Variants in MFHAS1 observed in about 807,000 individuals in gnomAD.
MFHAS1 encodes multifunctional ROCO family signaling regulator 1, also known as malignant fibrous histiocytoma-amplified sequence 1.
A neutral mutation model predicts 70.4 loss-of-function variants in MFHAS1; 50 were observed. The observed-to-expected ratio is 0.71, with a 90% confidence interval of 0.57 to 0.90. The LOEUF (loss-of-function observed/expected upper bound fraction) is 0.90, where lower values mean the gene tolerates loss of function less well. Among genes scored for constraint, MFHAS1 ranks in the 40% least tolerant of loss-of-function variants. The pLI is 0.00. For missense variants in MFHAS1, 1,795 were observed against 1,347.6 expected (o/e 1.33, Z -5.20); for synonymous variants, 952 against 620.0 (o/e 1.54, Z -7.96).
chr8:8,837,855 A>G (rs188548636), intron 1 of MFHAS1, among the ~76,000 whole-genome samples: 34 of 152,310 alleles, frequency 2.2e-4, no homozygotes, highest in Non-Finnish European at 3.8e-4. Context: ...CCGCTACAGA[A>G]AACAGTATTA....
rs187413335 is a variant in MFHAS1 at position 8,835,045 on chromosome 8, G to C, written c.2999-37554C>G. On this transcript the variant is annotated intron_variant, in intron 1 of 2. Transcript: ENST00000276282. ...AGGAAGTTTGCAAACCTCTAAACCA[G>C]ACACAAAAAAAGTACATACTAAATG... 4.5e-4 allele frequency among the ~76,000 whole-genome samples: 69 copies of C among 152,196 alleles called. 1 individual carries two copies. Among genetic ancestry groups the C allele is most frequent in the Non-Finnish European group, 7.5e-4 (51 of 67,996 alleles).
chr8:8,813,867 C>G (rs537543440), intron 1 of MFHAS1, among the ~76,000 whole-genome samples: 3 of 152,074 alleles, frequency 2.0e-5, no homozygotes, highest in Admixed American at 6.5e-5. Flanking sequence ...ACTGACTCAC[C>G]CAGAGCAACT....
At chr8:8,830,152 C>T (rs896918789) in intron 1 of MFHAS1, among the ~76,000 whole-genome samples, 4 of 152,096 alleles carry the variant, frequency 2.6e-5, no homozygotes, top group Admixed American at 2.0e-4. Flanking sequence ...TATGAGGTGG[C>T]CCCACACCTC....
chr8:8,851,153 T>G (rs1403832206), intron 1 of MFHAS1, among the ~76,000 whole-genome samples: 1 of 152,248 alleles, frequency 6.6e-6, no homozygotes, highest in African/African-American at 2.4e-5. Flanking sequence ...CTCTTTTTCC[T>G]AACCCTTGGT....
At chr8:8,852,655 T>C (rs1214644580) in intron 1 of MFHAS1, among the ~76,000 whole-genome samples, 1 of 152,236 alleles carries the variant, frequency 6.6e-6, no homozygotes, top group East Asian at 1.9e-4. Context: ...CTGACTTCCA[T>C]GGCCATTTGC....
intron 1 of MFHAS1, 76 bp from the exon 2 acceptor site, chr8:8,797,567 C>A: frequency 6.7e-7 from 1 of 1,502,406 alleles, no homozygotes; most frequent in East Asian, 2.3e-5. Flanking sequence ...ACAGCACTGC[C>A]CGGGGATGGG....
At chr8:8,846,079 C>T (rs781183060) in intron 1 of MFHAS1, among the ~76,000 whole-genome samples, 1 of 151,778 alleles carries the variant, frequency 6.6e-6, no homozygotes, top group Admixed American at 6.6e-5. Context: ...ATGGCGAAAC[C>T]CTGTCTCTAC....
intron 1 of MFHAS1, among the ~76,000 whole-genome samples, chr8:8,866,318 G>GTT (rs11306798): frequency 1.9e-4 from 27 of 141,504 alleles, no homozygotes; most frequent in Admixed American, 4.9e-4. Flanking sequence ...CTTCTTTTTT[G>GTT]TTTTTTTTTT....
intron 1 of MFHAS1, 118 bp downstream of exon 1, chr8:8,889,943 G>A (rs184819213): frequency 9.6e-6 from 8 of 831,966 alleles, no homozygotes; most frequent in East Asian, 5.4e-5. Flanking sequence ...TTTCCCTTAC[G>A]AAGCTTTCCT....
chr8:8,824,238 G>T (rs984890460), intron 1 of MFHAS1, among the ~76,000 whole-genome samples: 1 of 151,808 alleles, frequency 6.6e-6, no homozygotes, highest in African/African-American at 2.4e-5. Context: ...AGGATGCCTG[G>T]AGGCCAATCT....
chr8:8,785,656 G>C lies in MFHAS1; in HGVS notation c.*366C>G, dbSNP rs1805514706. The C allele has an allele frequency of 4.7e-6, 1 of 211,936 alleles. No homozygotes were observed. 13.1% of individuals were successfully genotyped at this position (211,936 alleles called of 1,614,324 possible). A position where few individuals can be genotyped will look rare whatever the true frequency, so the allele number is the denominator to read the frequency against. On this transcript the variant is annotated 3_prime_UTR_variant, in exon 3 of 3. Transcript: ENST00000276282. The stretch of plus-strand genomic sequence containing the variant: ...TTCACATTTAACAGAACTGAAATCT[G>C]AGTGCTCTAAATACTGCCACCTGTA...
intron 1 of MFHAS1, among the ~76,000 whole-genome samples, chr8:8,816,838 G>C (rs556687229): frequency 2.0e-5 from 3 of 152,260 alleles, no homozygotes; most frequent in African/African-American, 2.4e-5. Flanking sequence ...CCACATGTAA[G>C]AGCTGACATT....
chr8:8,794,992 G>A (rs942109464), intron 2 of MFHAS1, among the ~76,000 whole-genome samples: 1 of 152,210 alleles, frequency 6.6e-6, no homozygotes, highest in Non-Finnish European at 1.5e-5. Context: ...CTGGCTTGGT[G>A]CCAGGAAGGT....
intron 1 of MFHAS1, among the ~76,000 whole-genome samples, chr8:8,885,200 G>A (rs955549797): frequency 6.8e-4 from 103 of 152,204 alleles, no homozygotes; most frequent in African/African-American, 2.3e-3. Context: ...TTTGGCATGA[G>A]ATACAAAAAG....
Position 8,892,400 on chromosome 8 carries a change from G to A in MFHAS1, c.659C>T (p.Pro220Leu). The change falls in exon 1 of 3, where the codon CCT becomes CTT. Residue 220 changes from proline (P) to leucine (L), a missense_variant. Physicochemically the swap from Pro to Leu is moderately conservative, Grantham distance 98. Transcript: ENST00000276282. The surrounding 1 kb of genome is among the most constrained non-coding windows in gnomAD (Gnocchi z 4.7). Reference protein sequence around the residue: ...DVSSNRLRGLPEDISALRALK... With the variant: ...DVSSNRLRGLLEDISALRALK... ...GGCACGCAGGGCACTGATATCCTCA[G>A]GCAGGCCCCGCAGCCGGTTGCTGGA... 2 of 1,613,058 alleles carry A rather than the reference G, an allele frequency of 1.2e-6. No homozygotes were observed. Among genetic ancestry groups the A allele is most frequent in the East Asian group, 2.2e-5 (1 of 44,848 alleles).
chr8:8,841,769 G>A lies in MFHAS1; in HGVS notation c.2999-44278C>T, dbSNP rs187276433. ...AGACCCCACATGGGCCACACCCCAC[G>A]GGTACGAGAGTTTGGGTTGAACCAA... On this transcript the variant is annotated intron_variant, in intron 1 of 2. Transcript: ENST00000276282. Among the ~76,000 whole-genome samples, 16 of 152,244 alleles carry A rather than the reference G, an allele frequency of 1.1e-4. No homozygotes were observed. The East Asian group carries it at 2.3e-3, about 22-fold the overall frequency.
At chr8:8,864,176 T>A (rs191653788) in intron 1 of MFHAS1, among the ~76,000 whole-genome samples, 1 of 152,374 alleles carries the variant, frequency 6.6e-6, no homozygotes, top group African/African-American at 2.4e-5. Context: ...CAGCAGTGAT[T>A]GGCTTTCTGT....
In MFHAS1 at chr8:8,890,307, C is replaced by T. The variant is rs1809940670; in HGVS notation, c.2752G>A (p.Ala918Thr). 1 of 1,614,180 alleles carries T rather than the reference C, an allele frequency of 6.2e-7. No homozygotes were observed. Among genetic ancestry groups the T allele is most frequent in the Non-Finnish European group, 8.5e-7 (1 of 1,180,034 alleles). ...HRSDGKFQIF[A>T]YRGKVPVVVS... ...ACCACAGGAACTTTCCCTCTATAGG[C>T]AAAGATCTGAAATTTACCATCCGAC... is the stretch of plus-strand genomic sequence containing the variant. The change falls in exon 1 of 3, where the codon GCC (alanine) becomes ACC (threonine). Residue 918 changes from alanine to threonine, a missense_variant. Coordinates refer to ENST00000276282, the MANE Select transcript of MFHAS1 (RefSeq NM_004225.3).
rs777541547 is a variant in MFHAS1 at position 8,890,987 on chromosome 8, A to T, written c.2072T>A (p.Leu691Gln). Residue 691 changes from leucine to glutamine, a missense_variant, in exon 1 of 3, where the codon CTG becomes CAG. Transcript: ENST00000276282. The stretch of plus-strand genomic sequence containing the variant: ...TCGGTCCTCGGTCAGACCCGCCTGC[A>T]GGCCCAAGCGCGCCGAGTCCCACCA... Reference protein sequence around the residue: ...LSWWDSARLGLQAGLTEDRLQ... With the variant: ...LSWWDSARLGQQAGLTEDRLQ... 1.9e-6 allele frequency: 3 copies of T among 1,613,984 alleles called. No individual in the cohort carries two copies. In the South Asian group the frequency reaches 3.3e-5, roughly 18 times the overall value.
Sources: gnomAD v4.1 joint callset for allele counts (sites outside exome capture counted in the v4.1 genomes callset) on GRCh38, gnomAD v4.1.1 for gene constraint, Gnocchi (gnomAD v3.1) non-coding constraint, MANE v1.5 for transcripts, NCBI Gene and HGNC (gene_info 2026-07-23, HGNC 2026-07-21) for gene names.